RFTN1: variants seen among roughly 807,000 people sequenced by gnomAD.
RFTN1 encodes raftlin, lipid raft linker 1.
In RFTN1, 26 loss-of-function variants were observed where a neutral mutation model predicts 46.5. The ratio of observed to expected loss-of-function variants is 0.56; its 90% CI spans 0.41 to 0.78. RFTN1 has a LOEUF of 0.78. Ranked by LOEUF, RFTN1 falls within the 30% of genes least tolerant of loss-of-function variation. The probability of loss-of-function intolerance (pLI) is 0.00; values close to 1 mark genes in which losing one functional copy is unlikely to be tolerated. For missense variants in RFTN1, 693 were observed against 718.7 expected (o/e 0.96, Z 0.41); for synonymous variants, 261 against 284.2 (o/e 0.92, Z 0.82).
rs690219 is a variant in RFTN1 at position 16,383,842 on chromosome 3, T to G, written c.442-5740A>C. ...TGTCCACAGCCTGTAGTAGATAGCA[T>G]GGGTAAAGAGTCAGAGACACTTCCA... is the stretch of plus-strand genomic sequence containing the variant. On this transcript the variant is annotated intron_variant, in intron 4 of 9. Coordinates refer to ENST00000334133, the MANE Select transcript of RFTN1 (RefSeq NM_015150.2). The surrounding 1 kb of genome is among the most constrained non-coding windows in gnomAD (Gnocchi z 4.0). 0.45 allele frequency among the ~76,000 whole-genome samples: 68,873 copies of G among 151,972 alleles called. 17,105 individuals carry two copies. The highest frequency in any genetic ancestry group is 0.66 in the African/African-American group (27,202 of 41,462).
Position 16,402,253 on chromosome 3 carries a change from A to T in RFTN1, c.441+7122T>A, listed in dbSNP as rs1303130447. On this transcript the variant is annotated intron_variant, in intron 4 of 9. Coordinates refer to ENST00000334133, the MANE Select transcript of RFTN1 (RefSeq NM_015150.2). The surrounding 1 kb of genome is among the most constrained non-coding windows in gnomAD (Gnocchi z 4.5). ...AGTGAGTATTCCTCTTTCTCTTTCA[A>T]TGTATCCATTAACTCGACGCTTATG... Among the ~76,000 whole-genome samples the T allele has an allele frequency of 6.6e-6, 1 of 152,054 alleles. No homozygotes were observed. Among genetic ancestry groups the T allele is most frequent in the South Asian group, 2.1e-4 (1 of 4,814 alleles).
chr3:16,412,097 A>G (rs1474705341), intron 3 of RFTN1, among the ~76,000 whole-genome samples: 2 of 152,272 alleles, frequency 1.3e-5, no homozygotes, highest in Admixed American at 6.5e-5. Context: ...TGAAAGGGGC[A>G]CAAAAGATCA....
chr3:16,485,007 A>G lies in RFTN1; in HGVS notation c.145+8718T>C, dbSNP rs527247182. 9.8e-5 allele frequency among the ~76,000 whole-genome samples: 15 copies of G among 152,378 alleles called. 1 individual carries two copies. The East Asian group carries it at 2.7e-3, about 27-fold the overall frequency. ...AAAATGAAGCTCTCTACTCTCATAC[A>G]TTGTTGTTGGAAATGTAAAATAGAA... On this transcript the variant is annotated intron_variant, in intron 2 of 9. Coordinates refer to ENST00000334133, the MANE Select transcript of RFTN1 (RefSeq NM_015150.2).
intron 1 of RFTN1, among the ~76,000 whole-genome samples, chr3:16,511,645 A>C (rs1025824505): frequency 6.6e-6 from 1 of 152,142 alleles, no homozygotes; most frequent in Admixed American, 6.5e-5. Flanking sequence ...CATAGTTTCA[A>C]TTCTGCTGAA....
rs941618523 is a variant in RFTN1, at chr3:16,382,910, G to A, written c.442-4808C>T. 6.6e-6 allele frequency among the ~76,000 whole-genome samples: 1 copy of A among 152,172 alleles called. No individual in the cohort carries two copies. The highest frequency in any genetic ancestry group is 2.4e-5 in the African/African-American group (1 of 41,440). On this transcript the variant is annotated intron_variant, in intron 4 of 9. Coordinates refer to ENST00000334133, the MANE Select transcript of RFTN1 (RefSeq NM_015150.2). This position sits in a 1 kb window ranked among gnomAD's most constrained non-coding sequence, Gnocchi z 4.7. ...AAATCAACATGGAAGAACAGGTCAT[G>A]AGGAGCCAGGTCACCTCAGCCATGG...
intron 4 of RFTN1, among the ~76,000 whole-genome samples, chr3:16,391,431 GT>G (rs2074339173): frequency 6.6e-6 from 1 of 152,136 alleles, no homozygotes; most frequent in African/African-American, 2.4e-5. Context: ...GAAGTCAAAA[GT>G]GATCCCACAA....
rs952024304 is a variant in RFTN1 at position 16,468,827 on chromosome 3, CA to C, written c.145+24897del. 5.3e-5 allele frequency among the ~76,000 whole-genome samples: 8 copies of C among 151,976 alleles called. No homozygotes were observed. The highest frequency in any genetic ancestry group is 1.7e-4 in the African/African-American group (7 of 41,438). On this transcript the variant is annotated intron_variant, in intron 2 of 9. Coordinates refer to ENST00000334133, the MANE Select transcript of RFTN1 (RefSeq NM_015150.2). This position sits in a 1 kb window ranked among gnomAD's most constrained non-coding sequence, Gnocchi z 4.4. ...AGCAATTAAATCTTTATAACTGAGA[CA>C]AAAAAAATGCCACATAATTAGACAC...
At chr3:16,367,766 G>A (rs1428222639) in intron 6 of RFTN1, among the ~76,000 whole-genome samples, 2 of 152,204 alleles carry the variant, frequency 1.3e-5, no homozygotes, top group Non-Finnish European at 2.9e-5. Context: ...GGAAGTAGAG[G>A]AGGCTAACTC....
chr3:16,335,443 C>T lies in RFTN1; in HGVS notation c.1147-8567G>A, dbSNP rs1245946663. ...AATGCTATGCAGCCTTAAAAAGGAA[C>T]GAATCACGTCCTTTGTGGGGACATG... On this transcript the variant is annotated intron_variant, in intron 7 of 9. Transcript: ENST00000334133. This position sits in a 1 kb window ranked among gnomAD's most constrained non-coding sequence, Gnocchi z 4.7. Among the ~76,000 whole-genome samples, 6 of 152,206 alleles carry T rather than the reference C, an allele frequency of 3.9e-5. No individual in the cohort carries two copies. The highest frequency in any genetic ancestry group is 7.3e-5 in the Non-Finnish European group (5 of 68,036).
At chr3:16,477,968 A>G (rs1243291416) in intron 2 of RFTN1, among the ~76,000 whole-genome samples, 1 of 152,246 alleles carries the variant, frequency 6.6e-6, no homozygotes, top group African/African-American at 2.4e-5. Flanking sequence ...TCTCCACAGT[A>G]TCAAAGAAAT....
Position 16,370,719 on chromosome 3 carries a change from G to T in RFTN1, c.827-440C>A. 5.3e-6 allele frequency: 1 copy of T among 188,514 alleles called. No individual in the cohort carries two copies. The highest frequency in any genetic ancestry group is 1.1e-5 in the Non-Finnish European group (1 of 88,748). The allele number at this position is 188,514 out of a possible 1,614,324, so 11.7% of individuals were successfully genotyped here. A position where few individuals can be genotyped will look rare whatever the true frequency, so the allele number is the denominator to read the frequency against. Reference sequence around the variant, plus strand: ...AACAAAAATACTGCTCTAATTCCAGGAACCTTGTACACTCCTGAACTCACT... The same window carrying T: ...AACAAAAATACTGCTCTAATTCCAGTAACCTTGTACACTCCTGAACTCACT... On this transcript the variant is annotated intron_variant, in intron 5 of 9. Transcript: ENST00000334133. The surrounding 1 kb of genome is among the most constrained non-coding windows in gnomAD (Gnocchi z 5.5).
intron 8 of RFTN1, among the ~76,000 whole-genome samples, chr3:16,324,645 A>AT (rs1355387665): frequency 6.1e-5 from 2 of 32,602 alleles, no homozygotes; most frequent in African/African-American, 2.7e-4. Context: ...ATAGTATTCC[A>AT]TTGTGTGTGT....
chr3:16,414,490 C>T (rs1273266359), intron 3 of RFTN1, among the ~76,000 whole-genome samples: 1 of 151,658 alleles, frequency 6.6e-6, no homozygotes, highest in Non-Finnish European at 1.5e-5. Context: ...GCCTATAATT[C>T]CAGCTACTTG....
In RFTN1 at chr3:16,500,302, G is replaced by C. The variant is rs1054464518; in HGVS notation, c.-8-6425C>G. Reference sequence around the variant, plus strand: ...GTTCATTGTTGGATCAGCTTTGATTGACAGGTGTCCAGGCATTTGTTTCTC... The same window carrying C: ...GTTCATTGTTGGATCAGCTTTGATTCACAGGTGTCCAGGCATTTGTTTCTC... On this transcript the variant is annotated intron_variant, in intron 1 of 9. Transcript: ENST00000334133. The surrounding 1 kb of genome is among the most constrained non-coding windows in gnomAD (Gnocchi z 5.9). Among the ~76,000 whole-genome samples, 1 of 152,168 alleles carries C rather than the reference G, an allele frequency of 6.6e-6. No homozygotes were observed. Among genetic ancestry groups the C allele is most frequent in the Admixed American group, 6.5e-5 (1 of 15,274 alleles).
At chr3:16,492,944 G>A (rs2076563488) in intron 2 of RFTN1, among the ~76,000 whole-genome samples, 1 of 152,192 alleles carries the variant, frequency 6.6e-6, no homozygotes, top group Non-Finnish European at 1.5e-5. Flanking sequence ...GCTATTCCCT[G>A]TTTCCTTAGT....
rs2074108790 is a variant in RFTN1, at chr3:16,384,749, T to G, written c.442-6647A>C. On this transcript the variant is annotated intron_variant, in intron 4 of 9. Transcript: ENST00000334133. This position sits in a 1 kb window ranked among gnomAD's most constrained non-coding sequence, Gnocchi z 4.7. ...CACTAGCCACATGTGGCTATTTAAA[T>G]TTAAATTAATTCAAATAAAATAAAA... Among the ~76,000 whole-genome samples the G allele has an allele frequency of 6.6e-6, 1 of 152,246 alleles. No individual in the cohort carries two copies. The highest frequency in any genetic ancestry group is 6.5e-5 in the Admixed American group (1 of 15,284).
chr3:16,505,837 A>C (rs2076795613), intron 1 of RFTN1, among the ~76,000 whole-genome samples: 1 of 152,206 alleles, frequency 6.6e-6, no homozygotes, highest in South Asian at 2.1e-4. Context: ...ACACTCCTTC[A>C]AGGCTGAGCT....
rs755812571 is a variant in RFTN1 at position 16,323,453 on chromosome 3, C to T, written c.1255G>A (p.Gly419Arg). The T allele has an allele frequency of 1.2e-6, 2 of 1,610,550 alleles. No homozygotes were observed. The highest frequency in any genetic ancestry group is 4.5e-5 in the East Asian group (2 of 44,880). Residue 419 changes from glycine (G) to arginine (R), a missense_variant, in exon 9 of 10, where the codon GGG becomes AGG. By Grantham distance (125) the Gly-to-Arg change is moderately radical (BLOSUM62 -2). Transcript: ENST00000334133. ...PTPVVKTTSE[G>R]SVSTKQIVFL... ...ACAATCTGCTTGGTGGATACACTCCCCTCGCTGTAACACACGGAGCTGAGA... is the reference window on the plus strand; with the variant it reads ...ACAATCTGCTTGGTGGATACACTCCTCTCGCTGTAACACACGGAGCTGAGA...
chr3:16,464,063 C>T (rs1256410595), intron 2 of RFTN1, among the ~76,000 whole-genome samples: 1 of 152,176 alleles, frequency 6.6e-6, no homozygotes. Context: ...AACACCCCTT[C>T]TGCTTTCCGG....
Sources: gnomAD v4.1 joint callset for allele counts (sites outside exome capture counted in the v4.1 genomes callset) on GRCh38, gnomAD v4.1.1 for gene constraint, Gnocchi (gnomAD v3.1) non-coding constraint, MANE v1.5 for transcripts, NCBI Gene and HGNC (gene_info 2026-07-23, HGNC 2026-07-21) for gene names.